Variants in DTWD2 observed in about 807,000 individuals in gnomAD.
The protein encoded by DTWD2 is tRNA-uridine aminocarboxypropyltransferase 2.
Under a neutral mutation model 31.8 loss-of-function variants are expected in DTWD2, and 39 were observed. The ratio of observed to expected loss-of-function variants is 1.22; its 90% CI spans 0.95 to 1.60. The LOEUF is 1.60. Among genes scored for constraint, DTWD2 ranks in the 40% most tolerant of loss-of-function variants. The probability of loss-of-function intolerance (pLI) is 0.00; values close to 1 mark genes in which losing one functional copy is unlikely to be tolerated. For synonymous variants in DTWD2, 180 were observed against 142.8 expected, an observed-to-expected ratio of 1.26 and a Z score of -1.86; for missense variants, 515 against 381.5, an observed-to-expected ratio of 1.35 and a Z score of -2.92.
intron 3 of DTWD2, among the ~76,000 whole-genome samples, chr5:118,929,996 C>T (rs1753888044): frequency 6.6e-6 from 1 of 152,172 alleles, no homozygotes; most frequent in East Asian, 1.9e-4. Flanking sequence ...TAATAACCAG[C>T]TTTGCCATGC....
At chr5:118,921,445 A>C (rs2149575470) in intron 4 of DTWD2, among the ~76,000 whole-genome samples, 1 of 151,628 alleles carries the variant, frequency 6.6e-6, no homozygotes, top group Admixed American at 6.6e-5. Context: ...CTTTGAGCCT[A>C]GGAGTTGGAA....
chr5:118,888,746 T>G (rs1752919576), intron 4 of DTWD2, among the ~76,000 whole-genome samples: 1 of 152,234 alleles, frequency 6.6e-6, no homozygotes. Context: ...TTTCAGTTAC[T>G]CTCCACAGCT....
intron 4 of DTWD2, among the ~76,000 whole-genome samples, chr5:118,878,768 A>G (rs1752674390): frequency 6.6e-6 from 1 of 152,264 alleles, no homozygotes; most frequent in Admixed American, 6.5e-5. Flanking sequence ...TATGCATCCA[A>G]AAAAGGAATG....
intron 4 of DTWD2, among the ~76,000 whole-genome samples, chr5:118,919,027 T>C (rs1019319567): frequency 6.6e-6 from 1 of 152,194 alleles, no homozygotes; most frequent in African/African-American, 2.4e-5. Flanking sequence ...TAGAGGTCAT[T>C]TGTCTGATGC....
intron 4 of DTWD2, among the ~76,000 whole-genome samples, chr5:118,901,742 CA>C (rs1351560635): frequency 1.3e-5 from 2 of 151,984 alleles, no homozygotes; most frequent in African/African-American, 4.8e-5. Context: ...CTCAGATTAT[CA>C]AAAGATTAAA....
intron 2 of DTWD2, among the ~76,000 whole-genome samples, chr5:118,940,364 T>C (rs1754151813): frequency 6.6e-6 from 1 of 152,226 alleles, no homozygotes; most frequent in Non-Finnish European, 1.5e-5. Context: ...AATCAGTTTC[T>C]AAACCTTTAT....
At chr5:118,944,038 A>T (rs73239084) in intron 2 of DTWD2, among the ~76,000 whole-genome samples, 3,524 of 152,330 alleles carry the variant, frequency 0.023, 143 homozygotes, top group African/African-American at 0.081. Context: ...ACACTGGCAC[A>T]TATGTATTTT....
intron 1 of DTWD2, among the ~76,000 whole-genome samples, chr5:118,957,567 C>T (rs868003248): frequency 4.3e-4 from 65 of 152,090 alleles, no homozygotes; most frequent in African/African-American, 1.1e-3. Context: ...TATCCTAAAA[C>T]GGTGATATAT....
rs17144719 is a variant in DTWD2, at chr5:118,840,712, T to C, written c.*205A>G. The C allele has an allele frequency of 0.018, 8,219 of 460,858 alleles. 573 individuals carry two copies. The highest frequency in any genetic ancestry group is 0.15 in the African/African-American group (7,218 of 48,748). 28.5% of individuals were successfully genotyped at this position (460,858 alleles called of 1,614,324 possible). On this transcript the variant is annotated 3_prime_UTR_variant, in exon 6 of 6. Coordinates refer to ENST00000510708, the MANE Select transcript of DTWD2 (RefSeq NM_173666.4). The stretch of plus-strand genomic sequence containing the variant: ...GGCACATTTTTAAAAACAAGTACAG[T>C]AGGAAATCCTGCTTTTCAGTGAGCC...
intron 4 of DTWD2, among the ~76,000 whole-genome samples, chr5:118,856,246 T>C (rs1162597043): frequency 6.6e-6 from 1 of 152,240 alleles, no homozygotes; most frequent in Non-Finnish European, 1.5e-5. Context: ...TTTTGAACTT[T>C]ATAAAAATTT....
At chr5:118,872,592 G>T (rs1338852394) in intron 4 of DTWD2, among the ~76,000 whole-genome samples, 1 of 152,190 alleles carries the variant, frequency 6.6e-6, no homozygotes, top group African/African-American at 2.4e-5. Flanking sequence ...CATTGATTAA[G>T]TTTGCCTTCT....
intron 1 of DTWD2, among the ~76,000 whole-genome samples, chr5:118,952,209 A>T (rs930106349): frequency 2.0e-5 from 3 of 152,228 alleles, no homozygotes; most frequent in African/African-American, 7.2e-5. Flanking sequence ...AGCAAAGAGC[A>T]GGAGGACAGG....
At chr5:118,929,210 T>C (rs1015734158) in intron 3 of DTWD2, among the ~76,000 whole-genome samples, 3 of 151,308 alleles carry the variant, frequency 2.0e-5, no homozygotes, top group African/African-American at 7.2e-5. Flanking sequence ...TTCACCTTTG[T>C]TAAAGCCAAC....
chr5:118,845,053 G>A (rs1397109313), intron 5 of DTWD2, among the ~76,000 whole-genome samples: 2 of 152,000 alleles, frequency 1.3e-5, no homozygotes, highest in Non-Finnish European at 2.9e-5. Flanking sequence ...AGGCTGAGGT[G>A]GGAGGATCAC....
intron 4 of DTWD2, among the ~76,000 whole-genome samples, chr5:118,915,997 A>G (rs1753566896): frequency 6.6e-6 from 1 of 152,240 alleles, no homozygotes; most frequent in African/African-American, 2.4e-5. Flanking sequence ...CAAAAGGGAA[A>G]GTAAATTCCC....
At chr5:118,962,026 G>A (rs1414008056) in intron 1 of DTWD2, among the ~76,000 whole-genome samples, 1 of 152,170 alleles carries the variant, frequency 6.6e-6, no homozygotes, top group Admixed American at 6.5e-5. Context: ...AGGATCATCT[G>A]AGGTCAGGAG....
rs945405289 is a variant in DTWD2, at chr5:118,854,090, G to T, written c.598-5872C>A. Among the ~76,000 whole-genome samples, 3 of 152,236 alleles carry T rather than the reference G, an allele frequency of 2.0e-5. No homozygotes were observed. The East Asian group carries it at 5.8e-4, about 29-fold the overall frequency. On this transcript the variant is annotated intron_variant, in intron 4 of 5. Coordinates refer to ENST00000510708, the MANE Select transcript of DTWD2 (RefSeq NM_173666.4). ...GGAGGAACTTTGGTAAGTTAATAAAGTTGAGGTAGCTCACTTACAGCATAC... is the reference window on the plus strand; with the variant it reads ...GGAGGAACTTTGGTAAGTTAATAAATTTGAGGTAGCTCACTTACAGCATAC...
intron 1 of DTWD2, among the ~76,000 whole-genome samples, chr5:118,967,584 A>G (rs940873231): frequency 6.6e-6 from 1 of 152,234 alleles, no homozygotes; most frequent in Non-Finnish European, 1.5e-5. Context: ...AAGAGTTCTC[A>G]ATGACCCAGG....
At chr5:118,904,753 G>A (rs902354201) in intron 4 of DTWD2, among the ~76,000 whole-genome samples, 5 of 152,082 alleles carry the variant, frequency 3.3e-5, no homozygotes, top group Admixed American at 6.6e-5. Flanking sequence ...AGAAAGAACA[G>A]GGTTATTAAA....
Sources: allele counts gnomAD v4.1 joint callset (sites outside exome capture counted in the v4.1 genomes callset), GRCh38; gene constraint gnomAD v4.1.1; transcripts MANE v1.5; gene names NCBI Gene and HGNC (gene_info 2026-07-23, HGNC 2026-07-21).